The following GLRA3 variants were observed in gnomAD, a reference collection of about 807,000 sequenced individuals.
The protein encoded by GLRA3 is glycine receptor subunit alpha-3.
In GLRA3, 44 loss-of-function variants were observed where a neutral mutation model predicts 60.4. That is an observed-to-expected ratio of 0.73 (90% CI 0.57 to 0.94). The LOEUF (loss-of-function observed/expected upper bound fraction) is 0.94. GLRA3 is among the 40% of genes least tolerant of loss of function. The probability of loss-of-function intolerance (pLI) is 0.00; values close to 1 mark genes in which losing one functional copy is unlikely to be tolerated. For missense variants in GLRA3, 508 were observed against 564.6 expected (o/e 0.90, Z 1.02); for synonymous variants, 223 against 192.9 (o/e 1.16, Z -1.29).
chr4:174,750,085 G>T (rs1044070768), intron 3 of GLRA3, among the ~76,000 whole-genome samples: 6 of 150,976 alleles, frequency 4.0e-5, no homozygotes, highest in African/African-American at 1.5e-4. Context: ...TCTGAAAGCA[G>T]CTAGAAAGCC....
At chr4:174,756,944 C>A (rs1737741268) in intron 3 of GLRA3, among the ~76,000 whole-genome samples, 1 of 152,196 alleles carries the variant, frequency 6.6e-6, no homozygotes, top group South Asian at 2.1e-4. Context: ...CCGCGCCCGG[C>A]CAAATGCCAT....
intron 2 of GLRA3, among the ~76,000 whole-genome samples, chr4:174,770,674 T>C (rs1738344692): frequency 6.6e-6 from 1 of 152,064 alleles, no homozygotes; most frequent in South Asian, 2.1e-4. Context: ...GATGAACATG[T>C]AATAATAAGA....
At position 174,665,078 on chromosome 4, in the gene GLRA3, G is replaced by A. The variant is rs546505823; in HGVS notation, c.928-5881C>T. 3.9e-5 allele frequency among the ~76,000 whole-genome samples: 6 copies of A among 152,234 alleles called. No homozygotes were observed. In the South Asian group the frequency reaches 1.0e-3, roughly 26 times the overall value. On this transcript the variant is annotated intron_variant, in intron 7 of 9. Transcript: ENST00000274093. Reference sequence around the variant, plus strand: ...CTGGGAGAAGGAGGCTATGTTAGATGGCAGTGGCCAGGGAAGACCTCCCTG... The same window carrying A: ...CTGGGAGAAGGAGGCTATGTTAGATAGCAGTGGCCAGGGAAGACCTCCCTG...
At chr4:174,751,767 G>T (rs556607684) in intron 3 of GLRA3, among the ~76,000 whole-genome samples, 1 of 152,028 alleles carries the variant, frequency 6.6e-6, no homozygotes, top group East Asian at 1.9e-4. Flanking sequence ...AAAGAGGACA[G>T]TATGGTTCCT....
chr4:174,798,456 A>C (rs747458271), intron 1 of GLRA3, among the ~76,000 whole-genome samples: 1 of 152,246 alleles, frequency 6.6e-6, no homozygotes, highest in East Asian at 1.9e-4. Context: ...TGTAGGGAGA[A>C]CTAAAGAGAA....
chr4:174,794,230 G>C (rs1467538771), intron 1 of GLRA3, among the ~76,000 whole-genome samples: 1 of 152,002 alleles, frequency 6.6e-6, no homozygotes, highest in Admixed American at 6.6e-5. Flanking sequence ...TTTGATATTT[G>C]AACCAATATG....
At chr4:174,781,249 A>G (rs1291521216) in intron 2 of GLRA3, among the ~76,000 whole-genome samples, 1 of 151,294 alleles carries the variant, frequency 6.6e-6, no homozygotes, top group Non-Finnish European at 1.5e-5. Context: ...AGAAATAAAG[A>G]TGTTCTTTGA....
Position 174,639,746 on chromosome 4 carries a change from A to C in GLRA3, c.*4040T>G, listed in dbSNP as rs1268082717. ...AAAGAGGAATGGGGGCTGAGATAAA[A>C]GTTTAATTTTAAAGTTAATTAAATT... is the stretch of plus-strand genomic sequence containing the variant. On this transcript the variant is annotated 3_prime_UTR_variant, in exon 10 of 10. Coordinates refer to ENST00000274093, the MANE Select transcript of GLRA3 (RefSeq NM_006529.4). 6.6e-6 allele frequency: 1 copy of C among 152,134 alleles called. No individual in the cohort carries two copies. The highest frequency in any genetic ancestry group is 1.5e-5 in the Non-Finnish European group (1 of 67,992). The allele number at this position is 152,134 out of a possible 1,614,324, so 9.4% of individuals were successfully genotyped here. A position where few individuals can be genotyped will look rare whatever the true frequency, so the allele number is the denominator to read the frequency against.
intron 7 of GLRA3, among the ~76,000 whole-genome samples, chr4:174,664,790 C>T (rs1733589841): frequency 6.6e-6 from 1 of 152,072 alleles, no homozygotes; most frequent in Non-Finnish European, 1.5e-5. Context: ...CAAAATTAGC[C>T]CTTCATAATA....
intron 5 of GLRA3, among the ~76,000 whole-genome samples, chr4:174,693,862 C>A (rs528738323): frequency 9.3e-4 from 142 of 152,094 alleles, no homozygotes; most frequent in Non-Finnish European, 1.3e-3. Flanking sequence ...GGTAATGACA[C>A]CCACTGCTCA....
chr4:174,690,884 C>T (rs1314414794), intron 5 of GLRA3, among the ~76,000 whole-genome samples: 1 of 152,100 alleles, frequency 6.6e-6, no homozygotes, highest in Non-Finnish European at 1.5e-5. Context: ...TCTATATGTA[C>T]CACATTTTCT....
chr4:174,711,797 T>A (rs1305983553), intron 5 of GLRA3, among the ~76,000 whole-genome samples: 1 of 152,110 alleles, frequency 6.6e-6, no homozygotes, highest in Non-Finnish European at 1.5e-5. Flanking sequence ...TGCCATTAAT[T>A]TTTTTCTGGT....
At chr4:174,798,588 C>T (rs927131333) in intron 1 of GLRA3, among the ~76,000 whole-genome samples, 3 of 152,098 alleles carry the variant, frequency 2.0e-5, no homozygotes, top group African/African-American at 7.2e-5. Context: ...AATTTTTGGA[C>T]ATTAATAATT....
intron 7 of GLRA3, among the ~76,000 whole-genome samples, chr4:174,665,419 C>A (rs986097174): frequency 2.0e-5 from 3 of 151,958 alleles, no homozygotes; most frequent in Non-Finnish European, 2.9e-5. Flanking sequence ...TCACTCATTA[C>A]AACAATAATT....
intron 1 of GLRA3, among the ~76,000 whole-genome samples, chr4:174,823,397 T>A (rs1238927577): frequency 6.6e-6 from 1 of 152,116 alleles, no homozygotes; most frequent in Non-Finnish European, 1.5e-5. Flanking sequence ...TGGTGGCATG[T>A]TCCTGTAGTC....
intron 6 of GLRA3, among the ~76,000 whole-genome samples, chr4:174,679,099 A>T (rs1734238073): frequency 6.6e-6 from 1 of 152,114 alleles, no homozygotes; most frequent in Non-Finnish European, 1.5e-5. Flanking sequence ...TGGGAGGCCG[A>T]GGCGGGAGAA....
At chr4:174,756,649 CT>C (rs36089597) in intron 3 of GLRA3, among the ~76,000 whole-genome samples, 12 of 142,510 alleles carry the variant, frequency 8.4e-5, no homozygotes, top group African/African-American at 2.3e-4. Context: ...TCTTTTTTTT[CT>C]TTTTTTTTTT....
At chr4:174,671,098 A>G (rs1315290314) in intron 7 of GLRA3, among the ~76,000 whole-genome samples, 1 of 152,142 alleles carries the variant, frequency 6.6e-6, no homozygotes, top group African/African-American at 2.4e-5. Context: ...TGTTGCTTAT[A>G]TCAAACACTG....
At chr4:174,815,154 G>A (rs939975522) in intron 1 of GLRA3, among the ~76,000 whole-genome samples, 2 of 152,170 alleles carry the variant, frequency 1.3e-5, no homozygotes, top group East Asian at 3.9e-4. Flanking sequence ...ATGCAGCAGG[G>A]CAATCAAACC....
Sources: gnomAD v4.1 joint callset for allele counts (sites outside exome capture counted in the v4.1 genomes callset) on GRCh38, gnomAD v4.1.1 for gene constraint, MANE v1.5 for transcripts, NCBI Gene and HGNC (gene_info 2026-07-23, HGNC 2026-07-21) for gene names.